The following FAM169A variants were observed in gnomAD, a reference collection of about 807,000 sequenced individuals.
FAM169A encodes the protein family with sequence similarity 169 member A, also known as soluble lamin-associated protein of 75 kDa.
A neutral mutation model predicts 75.7 loss-of-function variants in FAM169A; 24 were observed. The ratio of observed to expected loss-of-function variants is 0.32; its 90% CI spans 0.23 to 0.45. The LOEUF is 0.45. Ranked by LOEUF, FAM169A falls within the 20% of genes least tolerant of loss-of-function variation. FAM169A has a pLI of 1.00. For missense variants in FAM169A, 673 were observed against 784.0 expected, an observed-to-expected ratio of 0.86 and a Z score of 1.69; for synonymous variants, 271 against 271.0, an observed-to-expected ratio of 1.00 and a Z score of 0.00.
At chr5:74,802,745 C>T (rs865831299) in intron 8 of FAM169A, among the ~76,000 whole-genome samples, 2 of 152,124 alleles carry the variant, frequency 1.3e-5, no homozygotes, top group Non-Finnish European at 2.9e-5. Flanking sequence ...CTTACTAAAA[C>T]TCCACAATAT....
intron 5 of FAM169A, among the ~76,000 whole-genome samples, chr5:74,834,142 G>C (rs1034345335): frequency 6.6e-6 from 1 of 152,086 alleles, no homozygotes; most frequent in Non-Finnish European, 1.5e-5. Flanking sequence ...GTGAGGGCTA[G>C]AAGATAGACA....
At chr5:74,813,730 A>T (rs1305826017) in intron 6 of FAM169A, 110 bp downstream of exon 6, 1 of 736,528 alleles carries the variant, frequency 1.4e-6, no homozygotes, top group African/African-American at 1.8e-5. Context: ...AGAGAGCCTA[A>T]GGTTCCAAAT....
chr5:74,840,917 T>A (rs1748832564), intron 2 of FAM169A, among the ~76,000 whole-genome samples: 1 of 152,160 alleles, frequency 6.6e-6, no homozygotes, highest in African/African-American at 2.4e-5. Flanking sequence ...TTTTTTGCCT[T>A]CATTTAATCC....
chr5:74,807,852 C>T (rs1417139146), intron 6 of FAM169A, among the ~76,000 whole-genome samples: 5 of 152,196 alleles, frequency 3.3e-5, no homozygotes. Context: ...GGCACAGCGG[C>T]TCACGCCTGT....
intron 6 of FAM169A, among the ~76,000 whole-genome samples, chr5:74,809,906 T>C (rs1055392705): frequency 6.6e-6 from 1 of 152,178 alleles, no homozygotes; most frequent in Admixed American, 6.5e-5. Context: ...CGAAATGACA[T>C]AACTACTTAG....
intron 1 of FAM169A, among the ~76,000 whole-genome samples, chr5:74,863,860 G>T (rs1461841745): frequency 3.9e-5 from 6 of 151,954 alleles, no homozygotes; most frequent in African/African-American, 9.7e-5. Flanking sequence ...GTTTGACTCA[G>T]CACTGTTATT....
chr5:74,805,523 G>GTTTTTTTTTTTTTT (rs1561298455), intron 6 of FAM169A, among the ~76,000 whole-genome samples: 1 of 105,624 alleles, frequency 9.5e-6, no homozygotes, highest in African/African-American at 4.6e-5. Flanking sequence ...AATGTGCTTC[G>GTTTTTTTTTTTTTT]CTTTTTTTTT....
intron 5 of FAM169A, 28 bp from the exon 6 acceptor site, chr5:74,814,047 A>G (rs953040153): frequency 4.9e-6 from 7 of 1,443,294 alleles, no homozygotes; most frequent in East Asian, 2.5e-5. Flanking sequence ...GAAACCCAAT[A>G]ATTTCTCACA....
intron 1 of FAM169A, among the ~76,000 whole-genome samples, chr5:74,858,503 G>A (rs1173732662): frequency 6.6e-6 from 1 of 152,184 alleles, no homozygotes; most frequent in African/African-American, 2.4e-5. Flanking sequence ...AATACCACAT[G>A]TTCTCACTTA....
rs941452098 is a variant in FAM169A at position 74,814,095 on chromosome 5, AGTCT to A, written c.491-80_491-77del. On this transcript the variant is annotated intron_variant, in intron 5 of 12. Coordinates refer to ENST00000687041, the MANE Select transcript of FAM169A (RefSeq NM_001376049.1). ...CATACATTTAGTGACATGAGTTAAC[AGTCT>A]TTCTAAAAAAAGTTTTCTTCTATAT... 2.2e-5 allele frequency: 27 copies of A among 1,228,068 alleles called. No homozygotes were observed. The African/African-American group carries it at 3.5e-4, about 16-fold the overall frequency. 76.1% of individuals were successfully genotyped at this position (1,228,068 alleles called of 1,614,324 possible).
chr5:74,853,183 T>C (rs1024985843), intron 1 of FAM169A, among the ~76,000 whole-genome samples: 1 of 152,194 alleles, frequency 6.6e-6, no homozygotes, highest in Non-Finnish European at 1.5e-5. Context: ...TAGCTGGAGA[T>C]GGAAGCTAGG....
intron 11 of FAM169A, among the ~76,000 whole-genome samples, chr5:74,784,510 CAAAAAA>C (rs200414695): frequency 3.3e-5 from 1 of 29,868 alleles, no homozygotes; most frequent in African/African-American, 2.0e-4. Context: ...GACTCCGTCT[CAAAAAA>C]AAAAAAAAAA....
At chr5:74,833,738 T>C (rs541159475) in intron 5 of FAM169A, among the ~76,000 whole-genome samples, 58 of 152,280 alleles carry the variant, frequency 3.8e-4, no homozygotes, top group African/African-American at 1.2e-3. Flanking sequence ...ACTTTGTTCT[T>C]TGATGGTCAC....
At chr5:74,785,488 G>A (rs367835451) in intron 11 of FAM169A, among the ~76,000 whole-genome samples, 11 of 151,910 alleles carry the variant, frequency 7.2e-5, no homozygotes, top group East Asian at 3.9e-4. Context: ...CCAGCTAGGC[G>A]CCGTGGTTTA....
chr5:74,807,755 T>C (rs1159875303), intron 6 of FAM169A, among the ~76,000 whole-genome samples: 10 of 152,214 alleles, frequency 6.6e-5, no homozygotes, highest in South Asian at 4.1e-4. Flanking sequence ...GATAACTCTT[T>C]TAAAAATGCT....
At chr5:74,808,855 C>T (rs1486529185) in intron 6 of FAM169A, among the ~76,000 whole-genome samples, 2 of 152,118 alleles carry the variant, frequency 1.3e-5, no homozygotes, top group Non-Finnish European at 2.9e-5. Context: ...GTATTTAGTT[C>T]TCCCTTAAAC....
At chr5:74,828,586 C>T (rs1748153814) in intron 5 of FAM169A, among the ~76,000 whole-genome samples, 1 of 152,138 alleles carries the variant, frequency 6.6e-6, no homozygotes, top group Admixed American at 6.5e-5. Flanking sequence ...GAACTTTCAG[C>T]CAATCCTTTT....
chr5:74,842,420 C>CAAAAA lies in FAM169A; in HGVS notation c.-3-746_-3-742dup, dbSNP rs56653446. Among the ~76,000 whole-genome samples, 4 of 22,462 alleles carry CAAAAA rather than the reference C, an allele frequency of 1.8e-4. 1 individual carries two copies. The highest frequency in any genetic ancestry group is 3.1e-4 in the Non-Finnish European group (4 of 12,988). 14.7% of individuals were successfully genotyped at this position (22,462 alleles called of 152,430 possible). A position where few individuals can be genotyped will look rare whatever the true frequency, so the allele number is the denominator to read the frequency against. On this transcript the variant is annotated intron_variant, in intron 1 of 12. Transcript: ENST00000687041. The stretch of plus-strand genomic sequence containing the variant: ...TGGGTGAAAGAGTGAGACTCTATCA[C>CAAAAA]AAAAAAAAAAAAAAAAAAAAAAAAA...
intron 8 of FAM169A, among the ~76,000 whole-genome samples, chr5:74,803,564 A>C (rs1979014): frequency 0.062 from 9,397 of 152,154 alleles, 629 homozygotes; most frequent in African/African-American, 0.16. Flanking sequence ...TGTTTCTAAC[A>C]CTCACCAAAA....
Sources: allele counts gnomAD v4.1 joint callset (sites outside exome capture counted in the v4.1 genomes callset), GRCh38; gene constraint gnomAD v4.1.1; transcripts MANE v1.5; gene names NCBI Gene and HGNC (gene_info 2026-07-23, HGNC 2026-07-21).